Variants in MYO3B observed in about 807,000 individuals in gnomAD.
MYO3B encodes myosin-IIIb.
In MYO3B, 156 loss-of-function variants were observed where a neutral mutation model predicts 174.6. That is an observed-to-expected ratio of 0.89 (90% CI 0.78 to 1.02). MYO3B has a LOEUF of 1.02. MYO3B is among the 50% of genes least tolerant of loss of function. The pLI is 0.00. For missense variants in MYO3B, 1,632 were observed against 1,639.4 expected (o/e 1.00, Z 0.08); for synonymous variants, 563 against 569.1 (o/e 0.99, Z 0.15).
At chr2:170,544,906 T>G (rs1046353747) in intron 32 of MYO3B, among the ~76,000 whole-genome samples, 2 of 152,060 alleles carry the variant, frequency 1.3e-5, no homozygotes, top group Non-Finnish European at 2.9e-5. Context: ...GAAGTGGGGG[T>G]AAAAGTAGTA....
At chr2:170,360,125 A>T (rs1046149503) in intron 8 of MYO3B, among the ~76,000 whole-genome samples, 3 of 152,176 alleles carry the variant, frequency 2.0e-5, no homozygotes, top group African/African-American at 7.2e-5. Flanking sequence ...ATGATCATGC[A>T]CTGTGGAACA....
intron 7 of MYO3B, among the ~76,000 whole-genome samples, chr2:170,306,183 G>A (rs149187024): frequency 6.6e-6 from 1 of 152,104 alleles, no homozygotes; most frequent in Non-Finnish European, 1.5e-5. Context: ...TCTGTTCAAG[G>A]CTCCAAGAGT....
chr2:170,497,251 A>G (rs1686909041), intron 25 of MYO3B, among the ~76,000 whole-genome samples: 1 of 44,452 alleles, frequency 2.2e-5, no homozygotes, highest in Non-Finnish European at 6.3e-5. Flanking sequence ...AATTACCATT[A>G]GGGTAATAAA....
intron 5 of MYO3B, 146 bp from the exon 6 acceptor site, chr2:170,217,171 ATT>A (rs2092838347): frequency 3.0e-6 from 2 of 663,220 alleles, no homozygotes. Flanking sequence ...CTTTTGTACT[ATT>A]GCAGCAGAAC....
intron 8 of MYO3B, among the ~76,000 whole-genome samples, chr2:170,360,131 G>T (rs2094150088): frequency 6.6e-6 from 1 of 152,124 alleles, no homozygotes; most frequent in African/African-American, 2.4e-5. Flanking sequence ...ATGCACTGTG[G>T]AACAGATTGT....
intron 7 of MYO3B, among the ~76,000 whole-genome samples, chr2:170,279,334 G>T (rs2093488011): frequency 6.6e-6 from 1 of 151,930 alleles, no homozygotes; most frequent in Non-Finnish European, 1.5e-5. Flanking sequence ...ATTCTAATTG[G>T]GGTAAGAAGT....
At chr2:170,560,214 C>T (rs922706485) in intron 32 of MYO3B, among the ~76,000 whole-genome samples, 23 of 152,190 alleles carry the variant, frequency 1.5e-4, no homozygotes, top group African/African-American at 5.6e-4. Context: ...TGTTTTCCCT[C>T]GATACTACCA....
chr2:170,336,758 A>C (rs2093949815), intron 8 of MYO3B, among the ~76,000 whole-genome samples: 1 of 152,324 alleles, frequency 6.6e-6, no homozygotes, highest in South Asian at 2.1e-4. Flanking sequence ...TAAAATTCTG[A>C]ATTCCAAAAT....
chr2:170,464,735 T>C (rs959532591), intron 24 of MYO3B, among the ~76,000 whole-genome samples: 22 of 152,204 alleles, frequency 1.4e-4, no homozygotes, highest in Non-Finnish European at 2.4e-4. Flanking sequence ...TTCTGATGTT[T>C]GGTTATTTAT....
intron 22 of MYO3B, among the ~76,000 whole-genome samples, chr2:170,432,725 T>A (rs181869305): frequency 6.6e-6 from 1 of 151,940 alleles, no homozygotes; most frequent in East Asian, 1.9e-4. Flanking sequence ...TACAGGCGCC[T>A]GCCACCATGC....
chr2:170,353,614 C>G (rs2094095594), intron 8 of MYO3B, among the ~76,000 whole-genome samples: 1 of 151,928 alleles, frequency 6.6e-6, no homozygotes, highest in Non-Finnish European at 1.5e-5. Context: ...AACAAATGTA[C>G]AGGTGGGGGA....
intron 9 of MYO3B, among the ~76,000 whole-genome samples, chr2:170,377,561 C>G (rs1324653289): frequency 6.6e-6 from 1 of 152,186 alleles, no homozygotes; most frequent in African/African-American, 2.4e-5. Context: ...TTTACCTGAT[C>G]CCTGAAACCT....
At chr2:170,221,377 A>G (rs1427203334) in intron 6 of MYO3B, among the ~76,000 whole-genome samples, 1 of 152,108 alleles carries the variant, frequency 6.6e-6, no homozygotes, top group Admixed American at 6.5e-5. Flanking sequence ...TTATTCCACA[A>G]GCTTGAGTAA....
At chr2:170,543,173 A>T (rs1055500765) in intron 31 of MYO3B, among the ~76,000 whole-genome samples, 5 of 152,130 alleles carry the variant, frequency 3.3e-5, no homozygotes, top group Non-Finnish European at 5.9e-5. Flanking sequence ...GGGGAGAGAG[A>T]ATCAAAAGCC....
intron 32 of MYO3B, among the ~76,000 whole-genome samples, chr2:170,605,316 T>A (rs544475229): frequency 6.6e-6 from 1 of 152,308 alleles, no homozygotes; most frequent in African/African-American, 2.4e-5. Flanking sequence ...TCAGAGAACC[T>A]TTTTTCTTCT....
In MYO3B at chr2:170,408,582, G is replaced by GT. The variant is rs571955795; in HGVS notation, c.2650+744dup. 3.0e-4 allele frequency: 45 copies of GT among 152,218 alleles called. 1 individual carries two copies. The highest frequency in any genetic ancestry group is 2.8e-3 in the Admixed American group (43 of 15,296). 9.4% of individuals were successfully genotyped at this position (152,218 alleles called of 1,614,324 possible). ...ACAGCTCTACTCTCAAGGGCTTTGT[G>GT]TTTTTTAGGCTAGGTCTGGAAATAG... On this transcript the variant is annotated intron_variant, in intron 22 of 34. Coordinates refer to ENST00000408978, the MANE Select transcript of MYO3B (RefSeq NM_138995.5).
intron 3 of MYO3B, among the ~76,000 whole-genome samples, chr2:170,200,511 T>G (rs1049989333): frequency 6.6e-6 from 1 of 152,248 alleles, no homozygotes; most frequent in Non-Finnish European, 1.5e-5. Flanking sequence ...AATCTTTTAT[T>G]CTAGTACAGG....
At chr2:170,331,798 C>A (rs950865804) in intron 7 of MYO3B, among the ~76,000 whole-genome samples, 1 of 152,190 alleles carries the variant, frequency 6.6e-6, no homozygotes, top group Non-Finnish European at 1.5e-5. Context: ...TTTCCATCTT[C>A]CAGATGCTGC....
chr2:170,182,856 G>T (rs1188560813), intron 1 of MYO3B, among the ~76,000 whole-genome samples: 1 of 151,948 alleles, frequency 6.6e-6, no homozygotes, highest in Admixed American at 6.6e-5. Flanking sequence ...TGATCTGTCT[G>T]CCTTGGCCTC....
Sources: allele counts gnomAD v4.1 joint callset (sites outside exome capture counted in the v4.1 genomes callset), GRCh38; gene constraint gnomAD v4.1.1; transcripts MANE v1.5; gene names NCBI Gene and HGNC (gene_info 2026-07-23, HGNC 2026-07-21).